Variants in RARB observed in about 807,000 individuals in gnomAD.
The protein encoded by RARB is retinoic acid receptor beta, also known as HBV-activated protein.
Under a neutral mutation model 51.9 loss-of-function variants are expected in RARB, and 17 were observed. The ratio of observed to expected loss-of-function variants is 0.33; its 90% CI spans 0.22 to 0.49. RARB has a LOEUF of 0.49. RARB is among the 20% of genes least tolerant of loss of function. RARB has a pLI of 0.99. For missense variants in RARB, 369 were observed against 550.8 expected (o/e 0.67, Z 3.30); for synonymous variants, 215 against 195.4 (o/e 1.10, Z -0.84).
intron 2 of RARB, among the ~76,000 whole-genome samples, chr3:25,467,851 A>G (rs1229174924): frequency 6.6e-6 from 1 of 152,250 alleles, no homozygotes; most frequent in Admixed American, 6.5e-5. Context: ...GCCGGGTGCT[A>G]GAGATACAAC....
intron 2 of RARB, among the ~76,000 whole-genome samples, chr3:24,883,355 A>ATT (rs1553610564): frequency 1.5e-5 from 1 of 66,992 alleles, no homozygotes. Context: ...TTCAACAATC[A>ATT]TTGTGTGTGT....
intron 5 of RARB, among the ~76,000 whole-genome samples, chr3:25,303,429 G>C (rs1293193155): frequency 1.3e-5 from 2 of 152,180 alleles, no homozygotes; most frequent in Non-Finnish European, 2.9e-5. Context: ...CAATAGCAGA[G>C]CTGAGCTCCC....
At chr3:25,457,200 G>A (rs983368825) in intron 1 of RARB, among the ~76,000 whole-genome samples, 1 of 151,974 alleles carries the variant, frequency 6.6e-6, no homozygotes, top group South Asian at 2.1e-4. Flanking sequence ...TCCCCAGCTG[G>A]TTCTAGTGTG....
Position 25,093,806 on chromosome 3 carries a change from C to G in RARB, c.-328+33630C>G, listed in dbSNP as rs529602136. On this transcript the variant is annotated intron_variant, in intron 3 of 11. Coordinates refer to the RARB transcript ENST00000383772. ...CTAAGCTCACATGAGGACGATTTCC[C>G]ACACCCCTATGATTGCACACCCAAC... is the stretch of plus-strand genomic sequence containing the variant. Among the ~76,000 whole-genome samples, 241 of 152,242 alleles carry G rather than the reference C, an allele frequency of 1.6e-3. 1 individual carries two copies. The highest frequency in any genetic ancestry group is 3.5e-3 in the South Asian group (17 of 4,822).
intron 4 of RARB, among the ~76,000 whole-genome samples, chr3:25,579,753 G>C (rs1701089748): frequency 6.6e-6 from 1 of 152,182 alleles, no homozygotes; most frequent in South Asian, 2.1e-4. Flanking sequence ...GTTGATAGCT[G>C]TACCCACTTT....
At chr3:25,344,018 A>G (rs1462942543) in intron 5 of RARB, among the ~76,000 whole-genome samples, 3 of 152,216 alleles carry the variant, frequency 2.0e-5, no homozygotes, top group Non-Finnish European at 4.4e-5. Flanking sequence ...CATTTGGCAA[A>G]TGGAGACCAA....
At position 25,081,586 on chromosome 3, in the gene RARB, C is replaced by CATATATATATAT. The variant is rs1161956011; in HGVS notation, c.-328+21435_-328+21446dup. Among the ~76,000 whole-genome samples the CATATATATATAT allele has an allele frequency of 5.6e-3, 110 of 19,618 alleles. 3 individuals are homozygous for CATATATATATAT. Among genetic ancestry groups the CATATATATATAT allele is most frequent in the Non-Finnish European group, 6.8e-3 (81 of 11,964 alleles). The allele number at this position is 19,618 out of a possible 152,430, so 12.9% of individuals were successfully genotyped here. On this transcript the variant is annotated intron_variant, in intron 3 of 11. Transcript: ENST00000383772. ...CTTTTGCTAGTGTTTGCTTCATATA[C>CATATATATATAT]ATATATATATATATATATATATATA...
At chr3:25,038,165 T>C (rs1483354783) in intron 2 of RARB, among the ~76,000 whole-genome samples, 1 of 152,108 alleles carries the variant, frequency 6.6e-6, no homozygotes, top group Admixed American at 6.6e-5. Flanking sequence ...GCAAGTCATA[T>C]TACATCTCTG....
At chr3:25,131,089 A>G (rs1339272842) in intron 3 of RARB, among the ~76,000 whole-genome samples, 2 of 151,748 alleles carry the variant, frequency 1.3e-5, no homozygotes, top group Non-Finnish European at 2.9e-5. Context: ...TTTATGTGGA[A>G]TCAACCTCTT....
chr3:25,097,608 G>A (rs759274031), intron 3 of RARB, among the ~76,000 whole-genome samples: 1 of 152,124 alleles, frequency 6.6e-6, no homozygotes, highest in Non-Finnish European at 1.5e-5. Flanking sequence ...CCATACTCCA[G>A]CCTAGGCATA....
intron 3 of RARB, among the ~76,000 whole-genome samples, chr3:25,541,784 G>A (rs570811875): frequency 9.1e-4 from 138 of 152,168 alleles, no homozygotes; most frequent in Middle Eastern, 3.4e-3. Context: ...CTTTACCTTC[G>A]AATTTGGTCT....
At chr3:25,575,183 A>C (rs1387890862) in intron 4 of RARB, among the ~76,000 whole-genome samples, 1 of 152,156 alleles carries the variant, frequency 6.6e-6, no homozygotes, top group African/African-American at 2.4e-5. Flanking sequence ...AGTAGGGTTC[A>C]TGTTCCTATG....
chr3:25,502,356 G>C (rs970999970), intron 3 of RARB, among the ~76,000 whole-genome samples: 9 of 152,154 alleles, frequency 5.9e-5, no homozygotes, highest in Non-Finnish European at 1.2e-4. Context: ...GGTGAAAACT[G>C]ATTGAAGAGG....
chr3:25,377,866 T>C (rs547012959), intron 5 of RARB, among the ~76,000 whole-genome samples: 44 of 152,258 alleles, frequency 2.9e-4, no homozygotes, highest in African/African-American at 1.0e-3. Flanking sequence ...ACATGGCTCC[T>C]TAGTAACTAA....
rs73149317 is a variant in RARB at position 25,521,240 on chromosome 3, C to T, written c.448+19917C>T. Among the ~76,000 whole-genome samples the T allele has an allele frequency of 4.2e-3, 632 of 152,274 alleles. 6 individuals carry two copies. Among genetic ancestry groups the T allele is most frequent in the East Asian group, 0.025 (132 of 5,180 alleles). ...ATCTTTGCTATACATGCTCTTGTCA[C>T]GGTAGAACTTCCCCGGCCTACTTAG... On this transcript the variant is annotated intron_variant, in intron 3 of 7. Coordinates refer to ENST00000330688, the MANE Select transcript of RARB (RefSeq NM_000965.5).
intron 5 of RARB, among the ~76,000 whole-genome samples, chr3:25,250,691 C>T (rs1208114469): frequency 6.6e-6 from 1 of 152,122 alleles, no homozygotes; most frequent in African/African-American, 2.4e-5. Context: ...GGGTAGGATG[C>T]AGTCTGGTAG....
chr3:25,339,508 T>C (rs1705159785), intron 5 of RARB, among the ~76,000 whole-genome samples: 1 of 152,124 alleles, frequency 6.6e-6, no homozygotes, highest in Non-Finnish European at 1.5e-5. Flanking sequence ...GAGTCTACTC[T>C]GACTCAGGAG....
intron 2 of RARB, among the ~76,000 whole-genome samples, chr3:24,927,861 T>C (rs2125391475): frequency 6.6e-6 from 1 of 152,190 alleles, no homozygotes; most frequent in East Asian, 1.9e-4. Flanking sequence ...AATGCCAGCT[T>C]GGCAGAGAAT....
chr3:25,349,658 A>C (rs2125456351), intron 5 of RARB, among the ~76,000 whole-genome samples: 1 of 152,344 alleles, frequency 6.6e-6, no homozygotes, highest in South Asian at 2.1e-4. Flanking sequence ...AAAAATTCTA[A>C]ACAAACAAAA....
Sources: gnomAD v4.1 joint callset for allele counts (sites outside exome capture counted in the v4.1 genomes callset) on GRCh38, gnomAD v4.1.1 for gene constraint, MANE v1.5 for transcripts, NCBI Gene and HGNC (gene_info 2026-07-23, HGNC 2026-07-21) for gene names.